The following GSE1 variants were observed in gnomAD, a reference collection of about 807,000 sequenced individuals.
GSE1 encodes the protein Gse1 coiled-coil protein.
A neutral mutation model predicts 112.6 loss-of-function variants in GSE1; 32 were observed. The ratio of observed to expected loss-of-function variants is 0.28; its 90% CI spans 0.21 to 0.38. The LOEUF (loss-of-function observed/expected upper bound fraction) is 0.38, where lower values mean the gene tolerates loss of function less well. GSE1 is among the 10% of genes least tolerant of loss of function. The pLI is 1.00. For missense variants in GSE1, 2,348 were observed against 1,699.2 expected, an observed-to-expected ratio of 1.38 and a Z score of -6.71; for synonymous variants, 1,115 against 735.6, an observed-to-expected ratio of 1.52 and a Z score of -8.35.
At chr16:85,445,444 G>T (rs1235119307) in intron 2 of GSE1, among the ~76,000 whole-genome samples, 1 of 152,196 alleles carries the variant, frequency 6.6e-6, no homozygotes, top group Non-Finnish European at 1.5e-5. Flanking sequence ...CAGCGAGGGG[G>T]GGCGGCCAGT....
At chr16:85,516,353 G>A (rs143143936) in intron 2 of GSE1, among the ~76,000 whole-genome samples, 56 of 151,794 alleles carry the variant, frequency 3.7e-4, no homozygotes, top group Middle Eastern at 3.4e-3. Flanking sequence ...GGCGGTGGGC[G>A]GGAATGTTGG....
chr16:85,378,191 C>T (rs375341517), intron 2 of GSE1, among the ~76,000 whole-genome samples: 271 of 152,292 alleles, frequency 1.8e-3, no homozygotes, highest in African/African-American at 6.4e-3. Context: ...AGGGCTCCCT[C>T]CTCCGTGGCA....
At chr16:85,588,489 A>T (rs1385927102) in intron 1 of GSE1, among the ~76,000 whole-genome samples, 2 of 152,254 alleles carry the variant, frequency 1.3e-5, no homozygotes, top group East Asian at 3.9e-4. Context: ...CTGAATCTGT[A>T]ATTCGGATGA....
intron 1 of GSE1, among the ~76,000 whole-genome samples, chr16:85,209,989 C>T (rs2075197012): frequency 6.6e-6 from 1 of 152,220 alleles, no homozygotes; most frequent in African/African-American, 2.4e-5. Flanking sequence ...GCAGTAAATA[C>T]ATGGGGACAC....
chr16:85,309,378 C>T (rs927374135), intron 1 of GSE1, among the ~76,000 whole-genome samples: 3 of 152,002 alleles, frequency 2.0e-5, no homozygotes, highest in Admixed American at 6.6e-5. Flanking sequence ...TCTGTGGTCC[C>T]AGCTCCTCAG....
intron 2 of GSE1, among the ~76,000 whole-genome samples, chr16:85,486,480 C>G (rs1433625963): frequency 6.6e-6 from 1 of 152,260 alleles, no homozygotes; most frequent in African/African-American, 2.4e-5. Context: ...ATTGCAGCCG[C>G]TAAGTGGCAC....
chr16:85,503,524 G>C (rs2051438430), intron 2 of GSE1, among the ~76,000 whole-genome samples: 2 of 152,184 alleles, frequency 1.3e-5, no homozygotes, highest in South Asian at 4.1e-4. Context: ...GGGGAGCGGG[G>C]CCTCTGGCCC....
chr16:85,382,856 G>A (rs1366741567), intron 2 of GSE1, among the ~76,000 whole-genome samples: 2 of 150,836 alleles, frequency 1.3e-5, no homozygotes, highest in African/African-American at 2.4e-5. Flanking sequence ...GCATACATGT[G>A]CACACACAGC....
chr16:85,613,264 C>A, upstream of GSE1: 2 of 1,531,392 alleles, frequency 1.3e-6, no homozygotes, highest in Non-Finnish European at 1.8e-6. Context: ...GCCCCGGAAG[C>A]TCCACCTCCC....
At position 85,420,491 on chromosome 16, in the gene GSE1, G is replaced by A. The variant is rs184663711; in HGVS notation, c.2464+62848G>A. Among the ~76,000 whole-genome samples, 319 of 151,906 alleles carry A rather than the reference G, an allele frequency of 2.1e-3. 1 individual carries two copies. The highest frequency in any genetic ancestry group is 0.017 in the East Asian group (86 of 5,158). ...TCTCCTCGGAGGAAGTCCCCGCTGC[G>A]GAGGACCCTGGGGCTTCCAGGGCCA... is the stretch of plus-strand genomic sequence containing the variant. On this transcript the variant is annotated intron_variant, in intron 2 of 2. Transcript: ENST00000637419.
At chr16:85,651,222 C>A (rs1373301452) in intron 3 of GSE1, among the ~76,000 whole-genome samples, 1 of 151,804 alleles carries the variant, frequency 6.6e-6, no homozygotes, top group Non-Finnish European at 1.5e-5. Flanking sequence ...TATCGGGGTG[C>A]CTTTGGGGTA....
At position 85,577,680 on chromosome 16, in the gene GSE1, A is replaced by G. The variant is rs140649071; in HGVS notation, c.37+21317A>G. On this transcript the variant is annotated intron_variant, in intron 1 of 2. Coordinates refer to the GSE1 transcript ENST00000635906. ...GAGGGTCACCCGGCAGGTCCTGATC[A>G]CCCATCCTAGGAAGGGGTGGCCTGG... Among the ~76,000 whole-genome samples, 712 of 152,058 alleles carry G rather than the reference A, an allele frequency of 4.7e-3. 10 individuals are homozygous for G. Among genetic ancestry groups the G allele is most frequent in the African/African-American group, 0.017 (687 of 41,480 alleles).
At chr16:85,226,370 G>A (rs2075485714) in intron 1 of GSE1, among the ~76,000 whole-genome samples, 1 of 152,208 alleles carries the variant, frequency 6.6e-6, no homozygotes, top group Non-Finnish European at 1.5e-5. Flanking sequence ...AGCTTAAAGA[G>A]TGAGTTGATT....
intron 1 of GSE1, among the ~76,000 whole-genome samples, chr16:85,621,192 C>T (rs918516452): frequency 1.3e-5 from 2 of 151,772 alleles, no homozygotes; most frequent in African/African-American, 2.4e-5. Context: ...TTGGGGAACC[C>T]GTGTAGATGG....
At chr16:85,326,496 G>A (rs2046230609) in intron 1 of GSE1, among the ~76,000 whole-genome samples, 1 of 152,190 alleles carries the variant, frequency 6.6e-6, no homozygotes. Flanking sequence ...GATCTTGGGG[G>A]CGTTTCCCCT....
chr16:85,296,117 G>A (rs536883135), intron 1 of GSE1, among the ~76,000 whole-genome samples: 3 of 152,120 alleles, frequency 2.0e-5, no homozygotes. Flanking sequence ...TCAAGGCTGA[G>A]GGGGGATGTG....
At chr16:85,366,310 G>C (rs1308181343) in intron 2 of GSE1, among the ~76,000 whole-genome samples, 1 of 152,246 alleles carries the variant, frequency 6.6e-6, no homozygotes, top group African/African-American at 2.4e-5. Flanking sequence ...CTCTGCACAA[G>C]AGCCCCCCTT....
intron 2 of GSE1, among the ~76,000 whole-genome samples, chr16:85,526,906 A>G (rs1187486329): frequency 1.3e-5 from 2 of 152,254 alleles, no homozygotes; most frequent in Non-Finnish European, 2.9e-5. Flanking sequence ...TTCAGGATGA[A>G]TTAAGACTTG....
At chr16:85,430,865 C>T (rs868425842) in intron 2 of GSE1, among the ~76,000 whole-genome samples, 2 of 152,206 alleles carry the variant, frequency 1.3e-5, no homozygotes, top group Admixed American at 1.3e-4. Flanking sequence ...GGCCCTGCCC[C>T]GGGGTCTCAG....
Sources: gnomAD v4.1 joint callset for allele counts (sites outside exome capture counted in the v4.1 genomes callset) on GRCh38, gnomAD v4.1.1 for gene constraint, MANE v1.5 for transcripts, NCBI Gene and HGNC (gene_info 2026-07-23, HGNC 2026-07-21) for gene names.